CDK14: variants seen among roughly 807,000 people sequenced by gnomAD.
CDK14 encodes the protein cyclin-dependent kinase 14.
CDK14 carries 34 observed loss-of-function variants against 60.7 expected under a neutral mutation model. The observed-to-expected ratio is 0.56, with a 90% CI of 0.43 to 0.75. CDK14 has a LOEUF of 0.75. Ranked by LOEUF, CDK14 falls within the 30% of genes least tolerant of loss-of-function variation. The pLI, the probability that CDK14 is intolerant of heterozygous loss-of-function variation, is 0.00. For synonymous variants in CDK14, 197 were observed against 203.7 expected (o/e 0.97, Z 0.28); for missense variants, 482 against 564.1 (o/e 0.85, Z 1.47).
chr7:91,019,884 C>T (rs776777715), intron 10 of CDK14, among the ~76,000 whole-genome samples: 12 of 152,134 alleles, frequency 7.9e-5, no homozygotes, highest in Non-Finnish European at 1.6e-4. Context: ...ATTCCATGAC[C>T]ATGCTGCATA....
intron 5 of CDK14, among the ~76,000 whole-genome samples, chr7:90,833,776 C>T (rs929301220): frequency 1.3e-5 from 2 of 152,142 alleles, no homozygotes; most frequent in Non-Finnish European, 2.9e-5. Flanking sequence ...TCCCCTTCTA[C>T]TTTCGAAGCT....
intron 5 of CDK14, among the ~76,000 whole-genome samples, chr7:90,852,361 C>T (rs751347670): frequency 2.0e-5 from 3 of 152,180 alleles, no homozygotes; most frequent in Non-Finnish European, 4.4e-5. Context: ...TTATCACAGA[C>T]TTCTAAATGC....
At position 90,664,644 on chromosome 7, in the gene CDK14, A is replaced by G. The variant is rs1012425833; in HGVS notation, c.123+60395A>G. ...ATGAGTTCATGTCCTTTGTAGGGAC[A>G]TGGATGAAACTGGAAACCATCATTC... On this transcript the variant is annotated intron_variant, in intron 2 of 14. Coordinates refer to ENST00000380050, the MANE Select transcript of CDK14 (RefSeq NM_001287135.2). 5.9e-5 allele frequency among the ~76,000 whole-genome samples: 9 copies of G among 152,304 alleles called. No individual in the cohort carries two copies. The East Asian group carries it at 1.7e-3, about 29-fold the overall frequency.
chr7:90,604,248 A>G lies in CDK14; in HGVS notation c.122A>G (p.Glu41Gly). ...AAGAAAGATGACACCACCTTTGATG[A>G]GGTAGGTTAAATTTCTTTATCTAAT... ...ALKKDDTTFD[E>G]ICVTKMSTRN... The change falls in exon 2 of 15, where the codon GAG (glutamate) becomes GGG (glycine). Residue 41 changes from glutamate to glycine, a missense_variant and splice_region_variant. Coordinates refer to ENST00000380050, the MANE Select transcript of CDK14 (RefSeq NM_001287135.2). The G allele has an allele frequency of 6.5e-7, 1 of 1,530,380 alleles. No homozygotes were observed. Among genetic ancestry groups the G allele is most frequent in the Non-Finnish European group, 8.9e-7 (1 of 1,128,650 alleles). 94.8% of individuals were successfully genotyped at this position (1,530,380 alleles called of 1,614,324 possible).
At chr7:90,994,760 T>C (rs543885525) in intron 10 of CDK14, among the ~76,000 whole-genome samples, 23 of 152,288 alleles carry the variant, frequency 1.5e-4, no homozygotes, top group Non-Finnish European at 2.9e-4. Flanking sequence ...CCTTTTTTCT[T>C]CCCTTTTTGA....
chr7:90,709,694 G>C (rs1488713804), intron 2 of CDK14: 1 of 1,528,204 alleles, frequency 6.5e-7, no homozygotes, highest in Non-Finnish European at 8.8e-7. Context: ...CTGAATGTTA[G>C]CATGTCCTTT....
chr7:90,757,818 G>A (rs1309483960), intron 4 of CDK14, among the ~76,000 whole-genome samples: 7 of 152,020 alleles, frequency 4.6e-5, no homozygotes, highest in Admixed American at 4.6e-4. Context: ...GCCCAGACTG[G>A]TCTCGAACTC....
chr7:91,026,360 T>G (rs886897595), intron 10 of CDK14, among the ~76,000 whole-genome samples: 3 of 152,220 alleles, frequency 2.0e-5, no homozygotes, highest in African/African-American at 7.2e-5. Context: ...TATCCTTTAC[T>G]GAAAACAATA....
chr7:90,750,037 A>G (rs1180930253), intron 4 of CDK14, among the ~76,000 whole-genome samples: 1 of 152,142 alleles, frequency 6.6e-6, no homozygotes, highest in East Asian at 1.9e-4. Context: ...AAACAGCCGT[A>G]TGTAAAAGCT....
At chr7:90,895,684 C>G (rs141296182) in intron 6 of CDK14, among the ~76,000 whole-genome samples, 1 of 147,488 alleles carries the variant, frequency 6.8e-6, no homozygotes, top group Non-Finnish European at 1.5e-5. Flanking sequence ...CCTCAGCTTC[C>G]CGAGTAGCTG....
intron 5 of CDK14, among the ~76,000 whole-genome samples, chr7:90,799,192 A>G (rs1788541305): frequency 6.6e-6 from 1 of 152,206 alleles, no homozygotes; most frequent in African/African-American, 2.4e-5. Flanking sequence ...AGATACTCTA[A>G]TAGGGAACAA....
chr7:90,877,100 A>G lies in CDK14; in HGVS notation c.639+13831A>G, dbSNP rs188093778. Among the ~76,000 whole-genome samples the G allele has an allele frequency of 1.3e-3, 198 of 152,302 alleles. 3 individuals carry two copies. The highest frequency in any genetic ancestry group is 0.013 in the Admixed American group (196 of 15,306). ...TTTTGAGATGTTGACACATGTATAGATACATATTCATACATTTGACAGTAT... is the reference window on the plus strand; with the variant it reads ...TTTTGAGATGTTGACACATGTATAGGTACATATTCATACATTTGACAGTAT... On this transcript the variant is annotated intron_variant, in intron 6 of 14. Transcript: ENST00000380050.
chr7:91,074,569 C>T (rs966901828), intron 11 of CDK14, among the ~76,000 whole-genome samples: 1 of 152,146 alleles, frequency 6.6e-6, no homozygotes, highest in South Asian at 2.1e-4. Flanking sequence ...AATCGACACC[C>T]AAGTATCACA....
chr7:90,698,145 A>T (rs1171563005), intron 2 of CDK14, among the ~76,000 whole-genome samples: 1 of 151,946 alleles, frequency 6.6e-6, no homozygotes, highest in African/African-American at 2.4e-5. Context: ...ACTTAAAGAA[A>T]ATTAGCTGAT....
chr7:91,096,733 G>C (rs899442256), intron 12 of CDK14, among the ~76,000 whole-genome samples: 1 of 152,078 alleles, frequency 6.6e-6, no homozygotes, highest in Non-Finnish European at 1.5e-5. Flanking sequence ...ACATTAAAAG[G>C]AGTGCTGTGC....
At chr7:90,854,501 C>T (rs1317743053) in intron 5 of CDK14, among the ~76,000 whole-genome samples, 2 of 152,052 alleles carry the variant, frequency 1.3e-5, no homozygotes, top group African/African-American at 4.8e-5. Flanking sequence ...TGCACTCCAG[C>T]CTGGGCAATA....
intron 9 of CDK14, among the ~76,000 whole-genome samples, chr7:90,978,317 A>G (rs1347690171): frequency 6.6e-6 from 1 of 152,168 alleles, no homozygotes; most frequent in East Asian, 1.9e-4. Flanking sequence ...TTAAGGAAGA[A>G]AAAAGTTCAA....
chr7:91,048,905 A>G (rs1362395880), intron 11 of CDK14, among the ~76,000 whole-genome samples: 1 of 151,906 alleles, frequency 6.6e-6, no homozygotes, highest in East Asian at 1.9e-4. Flanking sequence ...TTTTATTTTT[A>G]GCGATGCTGC....
intron 3 of CDK14, among the ~76,000 whole-genome samples, chr7:90,728,880 G>A (rs754076281): frequency 1.1e-4 from 17 of 151,954 alleles, no homozygotes; most frequent in Non-Finnish European, 2.1e-4. Flanking sequence ...CTCAAATGTC[G>A]CTGTCTCTTG....
Sources: gnomAD v4.1 joint callset for allele counts (sites outside exome capture counted in the v4.1 genomes callset) on GRCh38, gnomAD v4.1.1 for gene constraint, MANE v1.5 for transcripts, NCBI Gene and HGNC (gene_info 2026-07-23, HGNC 2026-07-21) for gene names.